The following CRIM1 variants were observed in gnomAD, a reference collection of about 807,000 sequenced individuals.
CRIM1 encodes the protein cysteine-rich motor neuron 1 protein.
Under a neutral mutation model 116.4 loss-of-function variants are expected in CRIM1, and 32 were observed. The observed-to-expected ratio is 0.27, with a 90% CI of 0.21 to 0.37. The LOEUF is 0.37. Among genes scored for constraint, CRIM1 ranks in the 10% least tolerant of loss-of-function variants. The pLI is 1.00. For synonymous variants in CRIM1, 590 were observed against 509.2 expected (o/e 1.16, Z -2.13); for missense variants, 1,331 against 1,354.8 (o/e 0.98, Z 0.28).
intron 2 of CRIM1, among the ~76,000 whole-genome samples, chr2:36,405,619 T>A (rs1672722861): frequency 6.6e-6 from 1 of 152,168 alleles, no homozygotes; most frequent in Non-Finnish European, 1.5e-5. Context: ...AGTAGAAAAG[T>A]TATAGAGTGT....
intron 1 of CRIM1, among the ~76,000 whole-genome samples, chr2:36,358,124 C>G (rs56061768): frequency 1.1e-5 from 1 of 90,672 alleles, no homozygotes; most frequent in Admixed American, 1.2e-4. Context: ...ACACGTAAGA[C>G]ATTGGGTTAG....
chr2:36,382,930 G>A (rs1670894656), intron 1 of CRIM1, among the ~76,000 whole-genome samples: 1 of 152,192 alleles, frequency 6.6e-6, no homozygotes, highest in Admixed American at 6.5e-5. Flanking sequence ...GGAGTTGTCT[G>A]CATTTGGTAT....
intron 5 of CRIM1, 131 bp from the exon 6 acceptor site, chr2:36,476,758 A>G: frequency 4.3e-6 from 3 of 699,178 alleles, no homozygotes; most frequent in Non-Finnish European, 7.4e-6. Context: ...ATGAACTTAC[A>G]TTGAGTTGAG....
chr2:36,372,158 C>G (rs1267648231), intron 1 of CRIM1, among the ~76,000 whole-genome samples: 1 of 152,096 alleles, frequency 6.6e-6, no homozygotes, highest in Non-Finnish European at 1.5e-5. Flanking sequence ...AAATCCTAAG[C>G]CAACAACCTG....
chr2:36,530,623 T>C (rs1666049314), intron 13 of CRIM1, among the ~76,000 whole-genome samples: 1 of 152,184 alleles, frequency 6.6e-6, no homozygotes, highest in Non-Finnish European at 1.5e-5. Context: ...TTTTTAGAAG[T>C]ACTTCCCCTA....
chr2:36,499,748 A>G (rs1413390636), intron 8 of CRIM1, among the ~76,000 whole-genome samples: 1 of 152,210 alleles, frequency 6.6e-6, no homozygotes, highest in African/African-American at 2.4e-5. Flanking sequence ...TGTTGACCCC[A>G]GCTTTGCCTC....
At chr2:36,470,178 C>G (rs1396536178) in intron 5 of CRIM1, among the ~76,000 whole-genome samples, 1 of 152,214 alleles carries the variant, frequency 6.6e-6, no homozygotes, top group Non-Finnish European at 1.5e-5. Flanking sequence ...TTTGAAAACA[C>G]TAGCCTGAAT....
intron 13 of CRIM1, among the ~76,000 whole-genome samples, chr2:36,525,307 A>G (rs780958062): frequency 2.0e-5 from 3 of 152,184 alleles, no homozygotes; most frequent in South Asian, 4.1e-4. Flanking sequence ...GTTCATGACT[A>G]TGATATAGGG....
chr2:36,376,955 A>G (rs1670368329), intron 1 of CRIM1, among the ~76,000 whole-genome samples: 1 of 152,098 alleles, frequency 6.6e-6, no homozygotes, highest in Admixed American at 6.5e-5. Flanking sequence ...TCTAATGTAG[A>G]GAGACAGAGC....
chr2:36,479,973 A>G (rs1005108776), intron 7 of CRIM1, among the ~76,000 whole-genome samples: 2 of 152,206 alleles, frequency 1.3e-5, no homozygotes, highest in African/African-American at 4.8e-5. Context: ...GTTCACTTTG[A>G]ACCTAATTAA....
chr2:36,544,203 C>CA (rs1667152573), intron 14 of CRIM1, among the ~76,000 whole-genome samples, 173 bp from the exon 15 acceptor site: 1 of 152,172 alleles, frequency 6.6e-6, no homozygotes, highest in Non-Finnish European at 1.5e-5. Context: ...CTCCTCACTG[C>CA]AAAGCTCGTG....
intron 2 of CRIM1, among the ~76,000 whole-genome samples, chr2:36,416,320 TTA>T (rs1673617928): frequency 6.6e-6 from 1 of 152,140 alleles, no homozygotes; most frequent in Non-Finnish European, 1.5e-5. Context: ...GGAACCTAAA[TTA>T]TAAAAGATAA....
chr2:36,536,113 C>T (rs1666534997), intron 13 of CRIM1, among the ~76,000 whole-genome samples: 1 of 152,196 alleles, frequency 6.6e-6, no homozygotes, highest in Non-Finnish European at 1.5e-5. Context: ...GTCTGAAGCA[C>T]AAACTGGGTC....
intron 8 of CRIM1, 108 bp downstream of exon 8, chr2:36,499,455 C>A: frequency 4.1e-6 from 5 of 1,211,726 alleles, no homozygotes; most frequent in Non-Finnish European, 5.8e-6. Context: ...ATTCCCTTGA[C>A]AACCTGAAAA....
chr2:36,513,948 G>A (rs1664868245), intron 11 of CRIM1, among the ~76,000 whole-genome samples, 183 bp downstream of exon 11: 1 of 152,174 alleles, frequency 6.6e-6, no homozygotes, highest in African/African-American at 2.4e-5. Context: ...AAGAACCAAA[G>A]ACCAGAGAAA....
At chr2:36,459,841 A>C (rs1275429441) in intron 4 of CRIM1, among the ~76,000 whole-genome samples, 1 of 152,036 alleles carries the variant, frequency 6.6e-6, no homozygotes, top group Non-Finnish European at 1.5e-5. Context: ...ATGGAAACTA[A>C]TAACAGGTAG....
intron 13 of CRIM1, chr2:36,529,576 C>A (rs943806822): frequency 5.9e-6 from 1 of 168,456 alleles, no homozygotes; most frequent in African/African-American, 2.4e-5. Flanking sequence ...GACATGAGAC[C>A]ACATTTAAAG....
intron 2 of CRIM1, among the ~76,000 whole-genome samples, chr2:36,430,763 A>G (rs1367077626): frequency 6.6e-6 from 1 of 152,170 alleles, no homozygotes. Context: ...GGTCTGCAGA[A>G]GCACTTTCTC....
At chr2:36,456,773 G>T (rs1677166768) in intron 4 of CRIM1, among the ~76,000 whole-genome samples, 1 of 151,854 alleles carries the variant, frequency 6.6e-6, no homozygotes, top group Admixed American at 6.6e-5. Context: ...TGCTGTGTCT[G>T]TCTCCACCCC....
Sources: gnomAD v4.1 joint callset for allele counts (sites outside exome capture counted in the v4.1 genomes callset) on GRCh38, gnomAD v4.1.1 for gene constraint, MANE v1.5 for transcripts, NCBI Gene and HGNC (gene_info 2026-07-23, HGNC 2026-07-21) for gene names.